STXBP6: variants seen among roughly 807,000 people sequenced by gnomAD.
STXBP6 encodes the protein syntaxin binding protein 6.
Under a neutral mutation model 26.9 loss-of-function variants are expected in STXBP6, and 21 were observed. The observed-to-expected ratio is 0.78, with a 90% CI of 0.55 to 1.12. The LOEUF (loss-of-function observed/expected upper bound fraction) is 1.12, where lower values mean the gene tolerates loss of function less well. Among genes scored for constraint, STXBP6 ranks in the 50% most tolerant of loss-of-function variants. STXBP6 has a pLI of 0.00. For synonymous variants in STXBP6, 97 were observed against 92.6 expected, an observed-to-expected ratio of 1.05 and a Z score of -0.27; for missense variants, 232 against 257.9, an observed-to-expected ratio of 0.90 and a Z score of 0.69.
At chr14:24,824,049 T>C (rs1362702350) in intron 4 of STXBP6, among the ~76,000 whole-genome samples, 1 of 152,220 alleles carries the variant, frequency 6.6e-6, no homozygotes, top group African/African-American at 2.4e-5. Flanking sequence ...TTAAGTCTTA[T>C]TAAGTATAAG....
chr14:24,952,065 A>G (rs970324395), intron 2 of STXBP6, among the ~76,000 whole-genome samples: 33 of 151,288 alleles, frequency 2.2e-4, no homozygotes, highest in Non-Finnish European at 5.9e-5. Flanking sequence ...AAAGAATGAA[A>G]TGATATAATT....
At chr14:24,909,766 A>C (rs540977077) in intron 2 of STXBP6, among the ~76,000 whole-genome samples, 1 of 151,348 alleles carries the variant, frequency 6.6e-6, no homozygotes, top group South Asian at 2.1e-4. Flanking sequence ...CCCAGGCTAA[A>C]GTTCAGTGGT....
intron 2 of STXBP6, among the ~76,000 whole-genome samples, chr14:24,955,914 G>A (rs2073328855): frequency 6.6e-6 from 1 of 152,192 alleles, no homozygotes; most frequent in African/African-American, 2.4e-5. Flanking sequence ...CTTTCGAGCT[G>A]AGGAAACCAA....
intron 2 of STXBP6, among the ~76,000 whole-genome samples, chr14:24,895,255 AT>A (rs2070945291): frequency 6.6e-6 from 1 of 152,214 alleles, no homozygotes; most frequent in South Asian, 2.1e-4. Flanking sequence ...TGACCATTTG[AT>A]TGACTGTAGC....
intron 1 of STXBP6, among the ~76,000 whole-genome samples, chr14:25,012,590 GCT>G (rs1001093443): frequency 1.1e-4 from 17 of 151,820 alleles, no homozygotes; most frequent in African/African-American, 3.9e-4. Flanking sequence ...ACAAAGCAAG[GCT>G]CTGTCTCAAA....
intron 2 of STXBP6, among the ~76,000 whole-genome samples, chr14:24,948,130 C>T (rs146282895): frequency 2.3e-4 from 35 of 152,162 alleles, no homozygotes; most frequent in African/African-American, 1.9e-4. Flanking sequence ...CACTTCTCTC[C>T]GGAGAAAGCA....
chr14:25,005,426 T>A (rs1275825045), intron 1 of STXBP6, among the ~76,000 whole-genome samples: 2 of 152,230 alleles, frequency 1.3e-5, no homozygotes, highest in Non-Finnish European at 2.9e-5. Context: ...TCTGAAATAC[T>A]GTGATGAACA....
chr14:24,935,893 C>G (rs540314656), intron 2 of STXBP6, among the ~76,000 whole-genome samples: 1 of 152,312 alleles, frequency 6.6e-6, no homozygotes, highest in East Asian at 1.9e-4. Context: ...ACAGACCAGA[C>G]AGAGACAATT....
At chr14:24,899,838 T>C (rs1170864201) in intron 2 of STXBP6, among the ~76,000 whole-genome samples, 1 of 134,084 alleles carries the variant, frequency 7.5e-6, no homozygotes. Context: ...TCAGATATCA[T>C]ATGTTTGGTA....
chr14:24,818,308 C>G (rs1303461644), intron 5 of STXBP6, among the ~76,000 whole-genome samples: 2 of 152,154 alleles, frequency 1.3e-5, no homozygotes, highest in Non-Finnish European at 2.9e-5. Flanking sequence ...TTGTGACTGC[C>G]TTAGATAGCT....
At chr14:25,031,640 T>C (rs906859236) in intron 1 of STXBP6, among the ~76,000 whole-genome samples, 1 of 152,026 alleles carries the variant, frequency 6.6e-6, no homozygotes, top group Non-Finnish European at 1.5e-5. Flanking sequence ...TTTATTCTTA[T>C]GCAAATGCAA....
At chr14:24,927,192 T>C (rs2139860751) in intron 2 of STXBP6, among the ~76,000 whole-genome samples, 1 of 152,334 alleles carries the variant, frequency 6.6e-6, no homozygotes, top group Non-Finnish European at 1.5e-5. Flanking sequence ...TGTTTATGAA[T>C]GCAGGACTGA....
chr14:24,908,405 G>GAA (rs2071457169), intron 2 of STXBP6, among the ~76,000 whole-genome samples: 1 of 152,134 alleles, frequency 6.6e-6, no homozygotes, highest in South Asian at 2.1e-4. Flanking sequence ...ATAAGAGCCA[G>GAA]AATGTAAAAC....
intron 2 of STXBP6, among the ~76,000 whole-genome samples, chr14:24,862,084 A>G (rs1275411095): frequency 6.6e-6 from 1 of 152,150 alleles, no homozygotes; most frequent in East Asian, 1.9e-4. Context: ...TGCAGCCTCA[A>G]TCTCCTGGGC....
intron 1 of STXBP6, among the ~76,000 whole-genome samples, chr14:25,046,417 A>G (rs1320937114): frequency 6.8e-6 from 1 of 147,736 alleles, no homozygotes; most frequent in Non-Finnish European, 1.5e-5. Context: ...CACTAAGTGT[A>G]CACTTGAGTT....
At chr14:24,996,156 C>T (rs1197935969) in intron 1 of STXBP6, among the ~76,000 whole-genome samples, 1 of 152,148 alleles carries the variant, frequency 6.6e-6, no homozygotes, top group Admixed American at 6.5e-5. Flanking sequence ...AATAAACCTA[C>T]ATATATTTTG....
chr14:24,819,346 T>C, intron 4 of STXBP6, 152 bp from the exon 5 acceptor site: 2 of 870,394 alleles, frequency 2.3e-6, no homozygotes, highest in Non-Finnish European at 3.7e-6. Context: ...ACATTTCTTT[T>C]GATTGGGTTT....
At chr14:25,001,057 A>G (rs2074748942) in intron 1 of STXBP6, among the ~76,000 whole-genome samples, 1 of 152,178 alleles carries the variant, frequency 6.6e-6, no homozygotes, top group South Asian at 2.1e-4. Flanking sequence ...CCTTCAGAGG[A>G]AAAAGGGGAA....
intron 1 of STXBP6, among the ~76,000 whole-genome samples, chr14:25,002,643 G>A (rs2074792005): frequency 6.6e-6 from 1 of 152,040 alleles, no homozygotes; most frequent in African/African-American, 2.4e-5. Flanking sequence ...ACAGGTGTGA[G>A]CCACCATGCC....
Sources: allele counts gnomAD v4.1 joint callset (sites outside exome capture counted in the v4.1 genomes callset), GRCh38; gene constraint gnomAD v4.1.1; transcripts MANE v1.5; gene names NCBI Gene and HGNC (gene_info 2026-07-23, HGNC 2026-07-21).